The following C5 variants were observed in gnomAD, a reference collection of about 807,000 sequenced individuals.
C5 encodes C3 and PZP-like alpha-2-macroglobulin domain-containing protein 4.
In C5, 140 loss-of-function variants were observed where a neutral mutation model predicts 218.8. That is an observed-to-expected ratio of 0.64 (90% CI 0.56 to 0.74). The LOEUF is 0.74. C5 is among the 30% of genes least tolerant of loss of function. The probability of loss-of-function intolerance (pLI) is 0.00; values close to 1 mark genes in which losing one functional copy is unlikely to be tolerated. For synonymous variants in C5, 614 were observed against 682.3 expected, an observed-to-expected ratio of 0.90 and a Z score of 1.56; for missense variants, 1,700 against 1,969.6, an observed-to-expected ratio of 0.86 and a Z score of 2.59.
intron 20 of C5, among the ~76,000 whole-genome samples, chr9:121,005,685 T>C (rs548986016): frequency 6.6e-6 from 1 of 152,348 alleles, no homozygotes; most frequent in African/African-American, 2.4e-5. Flanking sequence ...GATTATCTTA[T>C]GCAATTTATT....
chr9:121,034,430 T>TATC (rs1221554577), intron 5 of C5, among the ~76,000 whole-genome samples: 1 of 152,240 alleles, frequency 6.6e-6, no homozygotes, highest in Admixed American at 6.5e-5. Flanking sequence ...TCTGGTAGTT[T>TATC]ATCCAGGCAA....
At chr9:120,985,247 T>C (rs908569951) in intron 25 of C5, among the ~76,000 whole-genome samples, 1 of 152,244 alleles carries the variant, frequency 6.6e-6, no homozygotes, top group Non-Finnish European at 1.5e-5. Context: ...AGTAGGCTAT[T>C]TGATTTGCTT....
At chr9:121,047,176 A>G (rs1312043313) in intron 1 of C5, among the ~76,000 whole-genome samples, 2 of 152,328 alleles carry the variant, frequency 1.3e-5, no homozygotes, top group Middle Eastern at 3.4e-3. Flanking sequence ...TGCTGGTACT[A>G]TCATTATTCG....
intron 33 of C5, among the ~76,000 whole-genome samples, chr9:120,968,199 G>T (rs180822973): frequency 2.6e-5 from 4 of 152,282 alleles, no homozygotes; most frequent in African/African-American, 9.6e-5. Flanking sequence ...ATTTGTGCAG[G>T]CCTAATGTAA....
intron 18 of C5, among the ~76,000 whole-genome samples, chr9:121,007,425 G>A (rs1587975191): frequency 6.6e-6 from 1 of 152,284 alleles, no homozygotes; most frequent in Middle Eastern, 3.4e-3. Flanking sequence ...GCTGAGTACT[G>A]AGTAAACAGC....
intron 33 of C5, among the ~76,000 whole-genome samples, chr9:120,967,438 C>T (rs1412554451): frequency 6.6e-6 from 1 of 152,158 alleles, no homozygotes. Context: ...TAAGGTCCTT[C>T]TCAGCTCTCA....
At chr9:121,039,038 C>T (rs1182150752) in intron 3 of C5, among the ~76,000 whole-genome samples, 2 of 152,156 alleles carry the variant, frequency 1.3e-5, no homozygotes, top group Non-Finnish European at 2.9e-5. Context: ...TGGTTTCACT[C>T]CTGCCTCTGC....
At chr9:120,976,428 C>A (rs145276212) in intron 29 of C5, among the ~76,000 whole-genome samples, 6 of 152,302 alleles carry the variant, frequency 3.9e-5, no homozygotes, top group Non-Finnish European at 7.3e-5. Flanking sequence ...GATTTAGAAT[C>A]ATGAAGGAAG....
At chr9:121,073,000 CAGTAAATCAA>C in the C5 span, among the ~76,000 whole-genome samples, 1 of 152,050 alleles carries the variant, frequency 6.6e-6, no homozygotes, top group African/African-American at 2.4e-5. Context: ...AAAAGGAAAT[CAGTAAATCAA>C]AGTAAATCAA....
At chr9:121,005,614 G>T (rs879906507) in intron 20 of C5, among the ~76,000 whole-genome samples, 6 of 152,200 alleles carry the variant, frequency 3.9e-5, no homozygotes, top group Non-Finnish European at 7.3e-5. Flanking sequence ...GGAACTCTGA[G>T]TATAGGCAAA....
At chr9:121,031,681 C>T (rs578142898) in intron 6 of C5, among the ~76,000 whole-genome samples, 12 of 152,308 alleles carry the variant, frequency 7.9e-5, no homozygotes, top group African/African-American at 2.2e-4. Flanking sequence ...TCTAGCCATA[C>T]GTACAGGCTG....
chr9:120,967,772 A>G (rs922274634), intron 33 of C5, among the ~76,000 whole-genome samples: 2 of 151,494 alleles, frequency 1.3e-5, no homozygotes, highest in Non-Finnish European at 2.9e-5. Flanking sequence ...TCCAGGTTGG[A>G]GTGCAGTGGC....
At position 120,979,118 on chromosome 9, in the gene C5, C is replaced by T. The variant is rs369643500; in HGVS notation, c.3658+965G>A. Among the ~76,000 whole-genome samples the T allele has an allele frequency of 2.1e-4, 32 of 152,294 alleles. No individual in the cohort carries two copies. In the East Asian group the frequency reaches 3.7e-3, roughly 17 times the overall value. On this transcript the variant is annotated intron_variant, in intron 28 of 40. Coordinates refer to ENST00000223642, the MANE Select transcript of C5 (RefSeq NM_001735.3). ...CTCCCTCACTTTTTCCTTACCTGAC[C>T]TCACTTCCTACTCCTCTTCTCACTC...
At chr9:120,986,293 C>G (rs886237551) in intron 25 of C5, among the ~76,000 whole-genome samples, 6 of 150,448 alleles carry the variant, frequency 4.0e-5, no homozygotes, top group African/African-American at 1.5e-4. Context: ...AGTGAATGCC[C>G]TTGGGGGAAA....
chr9:120,999,866 A>T (rs1461685965), intron 20 of C5: 1 of 443,554 alleles, frequency 2.3e-6, no homozygotes, highest in African/African-American at 2.0e-5. Flanking sequence ...TAAATAAAAT[A>T]TGGCAGTATA....
At chr9:121,035,971 G>T (rs1370307467) in intron 4 of C5, among the ~76,000 whole-genome samples, 1 of 151,764 alleles carries the variant, frequency 6.6e-6, no homozygotes, top group Non-Finnish European at 1.5e-5. Context: ...GATGGCTTGA[G>T]CCCAGGAGTT....
chr9:121,054,245 C>T (rs2047687255), upstream of C5, among the ~76,000 whole-genome samples: 2 of 152,122 alleles, frequency 1.3e-5, no homozygotes, highest in South Asian at 4.1e-4. Flanking sequence ...GACCTCAGGC[C>T]ATTCATGCAA....
At chr9:121,063,771 A>G in the C5 span, among the ~76,000 whole-genome samples, 1 of 152,214 alleles carries the variant, frequency 6.6e-6, no homozygotes, top group South Asian at 2.1e-4. Context: ...GAAAGGTCAT[A>G]GGACTGCAAT....
At position 120,976,874 on chromosome 9, in the gene C5, G is replaced by T. The variant is rs962511228; in HGVS notation, c.3690C>A (p.Asp1230Glu). Residue 1230 changes from aspartate (D) to glutamate (E), a missense_variant, in exon 29 of 41, where the codon GAC becomes GAA. Coordinates refer to ENST00000223642, the MANE Select transcript of C5 (RefSeq NM_001735.3). ...CAGAGCTGTCTTTATGCTGAAGATT[G>T]TCTTTCCAAAAACGATAAATGGGTG... ...GNPPIYRFWK[D>E]NLQHKDSSVP... The T allele has an allele frequency of 6.2e-7, 1 of 1,614,088 alleles. No individual in the cohort carries two copies. Among genetic ancestry groups the T allele is most frequent in the South Asian group, 1.1e-5 (1 of 91,084 alleles).
Sources: gnomAD v4.1 joint callset for allele counts (sites outside exome capture counted in the v4.1 genomes callset) on GRCh38, gnomAD v4.1.1 for gene constraint, MANE v1.5 for transcripts, NCBI Gene and HGNC (gene_info 2026-07-23, HGNC 2026-07-21) for gene names.